The following RBFOX1 variants were observed in gnomAD, a reference collection of about 807,000 sequenced individuals.
RBFOX1 encodes the protein RNA binding protein fox-1 homolog 1.
In RBFOX1, 8 loss-of-function variants were observed where a neutral mutation model predicts 57.7. The observed-to-expected ratio is 0.14, with a 90% CI of 0.08 to 0.25. The LOEUF is 0.25. RBFOX1 is among the 10% of genes least tolerant of loss of function. The pLI, the probability that RBFOX1 is intolerant of heterozygous loss-of-function variation, is 1.00. For missense variants in RBFOX1, 611 were observed against 548.5 expected (o/e 1.11, Z -1.14); for synonymous variants, 326 against 222.4 (o/e 1.47, Z -4.15).
chr16:6,013,922 T>C (rs1001661207), intron 4 of RBFOX1, among the ~76,000 whole-genome samples: 15 of 127,346 alleles, frequency 1.2e-4, no homozygotes, highest in African/African-American at 4.6e-4. Context: ...TGAGAACACT[T>C]GGACACAGCA....
intron 3 of RBFOX1, among the ~76,000 whole-genome samples, chr16:6,920,052 G>A (rs934718492): frequency 3.9e-5 from 6 of 152,056 alleles, no homozygotes; most frequent in African/African-American, 1.4e-4. Context: ...TTCCGTTCCT[G>A]AGTTACTTCA....
intron 4 of RBFOX1, among the ~76,000 whole-genome samples, chr16:7,083,945 G>GT (rs959624572): frequency 5.9e-5 from 9 of 152,006 alleles, no homozygotes; most frequent in African/African-American, 1.7e-4. Flanking sequence ...CCATGCAGCT[G>GT]TTTTTTTCCT....
At chr16:6,242,873 C>T (rs373399429) in intron 1 of RBFOX1, among the ~76,000 whole-genome samples, 2 of 152,030 alleles carry the variant, frequency 1.3e-5, no homozygotes, top group African/African-American at 4.8e-5. Context: ...AGTTTTTAAC[C>T]AATGTTAAAA....
intron 3 of RBFOX1, among the ~76,000 whole-genome samples, chr16:6,739,693 A>T (rs564086309): frequency 2.6e-5 from 4 of 152,104 alleles, no homozygotes; most frequent in African/African-American, 7.2e-5. Context: ...CTTGGCCAAC[A>T]TGGTGAAACC....
intron 1 of RBFOX1, among the ~76,000 whole-genome samples, chr16:6,101,747 C>G (rs1413160405): frequency 6.6e-6 from 1 of 152,164 alleles, no homozygotes; most frequent in East Asian, 1.9e-4. Context: ...CGTGGTGAAA[C>G]CTGTCTGTAC....
intron 5 of RBFOX1, among the ~76,000 whole-genome samples, chr16:7,520,568 T>C (rs1194120687): frequency 6.6e-6 from 1 of 152,230 alleles, no homozygotes; most frequent in African/African-American, 2.4e-5. Flanking sequence ...TGTTTATTTA[T>C]TCATTAGTCC....
chr16:7,508,472 C>G (rs1029555089), intron 4 of RBFOX1, among the ~76,000 whole-genome samples: 5 of 152,066 alleles, frequency 3.3e-5, no homozygotes, highest in Non-Finnish European at 7.4e-5. Context: ...GAGCTGGAGT[C>G]TTGTGAGACA....
chr16:6,019,460 C>G lies in RBFOX1; in HGVS notation c.-659C>G. ...CGCGTCGGGTGGGGAAACCCGAACT[C>G]GCGGAGGGGAATCCCTCCCCCTCCG... On this transcript the variant is annotated 5_prime_UTR_variant, in exon 1 of 16. Coordinates refer to ENST00000550418, the MANE Select transcript of RBFOX1 (RefSeq NM_018723.4). This position sits in a 1 kb window ranked among gnomAD's most constrained non-coding sequence, Gnocchi z 4.2. The G allele has an allele frequency of 1.0e-6, 1 of 993,596 alleles. No homozygotes were observed. The highest frequency in any genetic ancestry group is 1.2e-6 in the Non-Finnish European group (1 of 835,642). The allele number at this position is 993,596 out of a possible 1,614,324, so 61.5% of individuals were successfully genotyped here. A position where few individuals can be genotyped will look rare whatever the true frequency, so the allele number is the denominator to read the frequency against.
At chr16:7,198,835 G>A (rs2087492048) in intron 4 of RBFOX1, among the ~76,000 whole-genome samples, 1 of 152,172 alleles carries the variant, frequency 6.6e-6, no homozygotes, top group South Asian at 2.1e-4. Context: ...TGGACTTTGG[G>A]GGACACATTG....
chr16:6,131,430 T>C (rs895788403), intron 1 of RBFOX1, among the ~76,000 whole-genome samples: 1 of 152,194 alleles, frequency 6.6e-6, no homozygotes, highest in African/African-American at 2.4e-5. Flanking sequence ...ATATTTATGA[T>C]CTAGCCCTTT....
At chr16:5,648,474 C>T (rs2049120506) in intron 3 of RBFOX1, among the ~76,000 whole-genome samples, 1 of 151,976 alleles carries the variant, frequency 6.6e-6, no homozygotes, top group African/African-American at 2.4e-5. Context: ...GTGATGTTCC[C>T]TAGGGGAATT....
intron 1 of RBFOX1, among the ~76,000 whole-genome samples, chr16:5,288,843 T>C (rs2063463796): frequency 6.6e-6 from 1 of 151,674 alleles, no homozygotes. Flanking sequence ...AAAACTCATA[T>C]AGGCTGGGCG....
intron 2 of RBFOX1, among the ~76,000 whole-genome samples, chr16:5,553,402 G>A (rs571295992): frequency 1.3e-5 from 2 of 150,744 alleles, no homozygotes; most frequent in Non-Finnish European, 2.9e-5. Flanking sequence ...TGCACACTCC[G>A]CCTCCCAGGT....
intron 4 of RBFOX1, among the ~76,000 whole-genome samples, chr16:7,406,415 C>A (rs550338657): frequency 1.3e-5 from 2 of 152,166 alleles, no homozygotes; most frequent in Non-Finnish European, 2.9e-5. Context: ...CGTATGGGAG[C>A]CTTGTTTTCA....
chr16:6,365,190 C>T (rs902775327), intron 2 of RBFOX1, among the ~76,000 whole-genome samples: 5 of 152,150 alleles, frequency 3.3e-5, no homozygotes, highest in Non-Finnish European at 1.5e-5. Flanking sequence ...GCCCTCTCTT[C>T]TTAAAATAGA....
chr16:6,965,741 T>C (rs1457572364), intron 3 of RBFOX1, among the ~76,000 whole-genome samples: 1 of 152,188 alleles, frequency 6.6e-6, no homozygotes, highest in African/African-American at 2.4e-5. Flanking sequence ...ATGATAATAA[T>C]CATGTTTATT....
intron 1 of RBFOX1, among the ~76,000 whole-genome samples, chr16:6,295,113 T>TGTC (rs1218820582): frequency 2.0e-5 from 3 of 148,448 alleles, no homozygotes; most frequent in Admixed American, 6.7e-5. Flanking sequence ...TTTTTTTTTT[T>TGTC]TTTTTTTTTT....
At chr16:6,214,456 G>T (rs1283094621) in intron 1 of RBFOX1, among the ~76,000 whole-genome samples, 1 of 146,698 alleles carries the variant, frequency 6.8e-6, no homozygotes, top group Non-Finnish European at 1.5e-5. Context: ...AGGTGAGAGG[G>T]AGAGCGACAG....
chr16:6,260,412 A>G (rs1161079460), intron 1 of RBFOX1, among the ~76,000 whole-genome samples: 1 of 152,156 alleles, frequency 6.6e-6, no homozygotes. Context: ...CCAGGTTGGA[A>G]TGAAGTGGGC....
Sources: allele counts gnomAD v4.1 joint callset (sites outside exome capture counted in the v4.1 genomes callset), GRCh38; gene constraint gnomAD v4.1.1; non-coding constraint Gnocchi (gnomAD v3.1); transcripts MANE v1.5; gene names NCBI Gene and HGNC (gene_info 2026-07-23, HGNC 2026-07-21).